Variants in PTDSS1 observed in about 807,000 individuals in gnomAD.
PTDSS1 encodes PSS-1.
Under a neutral mutation model 70.5 loss-of-function variants are expected in PTDSS1, and 45 were observed. The observed-to-expected ratio is 0.64, with a 90% CI of 0.50 to 0.82. The LOEUF (loss-of-function observed/expected upper bound fraction) is 0.82. Ranked by LOEUF, PTDSS1 falls within the 40% of genes least tolerant of loss-of-function variation. The pLI is 0.00. For synonymous variants in PTDSS1, 188 were observed against 203.8 expected (o/e 0.92, Z 0.66); for missense variants, 417 against 586.1 (o/e 0.71, Z 2.98).
In PTDSS1 at chr8:96,333,963, G is replaced by T; in HGVS notation, c.*397G>T. On this transcript the variant is annotated 3_prime_UTR_variant, in exon 13 of 13. Coordinates refer to ENST00000517309, the MANE Select transcript of PTDSS1 (RefSeq NM_014754.3). ...CCCATGGTTAATGGACTGGTCACCA[G>T]TTTTTATTTTATTTTTATGAATCTA... The T allele has an allele frequency of 2.2e-6, 1 of 458,576 alleles. No individual in the cohort carries two copies. 28.4% of individuals were successfully genotyped at this position (458,576 alleles called of 1,614,324 possible).
chr8:96,280,305 C>G (rs186814359), intron 2 of PTDSS1, among the ~76,000 whole-genome samples: 1 of 152,030 alleles, frequency 6.6e-6, no homozygotes, highest in South Asian at 2.1e-4. Flanking sequence ...GCGGATCACT[C>G]GAGGTCAGGA....
In PTDSS1 at chr8:96,334,154, G is replaced by C. The variant is rs1364048621; in HGVS notation, c.*588G>C. 2 of 238,048 alleles carry C rather than the reference G, an allele frequency of 8.4e-6. No individual in the cohort carries two copies. The highest frequency in any genetic ancestry group is 1.6e-5 in the Non-Finnish European group (2 of 123,256). 14.7% of individuals were successfully genotyped at this position (238,048 alleles called of 1,614,324 possible). On this transcript the variant is annotated 3_prime_UTR_variant, in exon 13 of 13. Coordinates refer to ENST00000517309, the MANE Select transcript of PTDSS1 (RefSeq NM_014754.3). ...TTCCTTCTAGAGCAGAAAAGGGAGA[G>C]AGGTGTTGTATTCCTGTTTGGTAAC...
At chr8:96,297,598 G>A (rs140589440) in intron 5 of PTDSS1, among the ~76,000 whole-genome samples, 2 of 152,186 alleles carry the variant, frequency 1.3e-5, no homozygotes, top group Non-Finnish European at 2.9e-5. Flanking sequence ...TGCTGCAGCC[G>A]CCTCTGCTGT....
At chr8:96,273,616 G>A (rs1386960574) in intron 2 of PTDSS1, among the ~76,000 whole-genome samples, 3 of 152,180 alleles carry the variant, frequency 2.0e-5, no homozygotes, top group Non-Finnish European at 4.4e-5. Flanking sequence ...AATGGAGAGA[G>A]CAGACAGGTA....
intron 4 of PTDSS1, among the ~76,000 whole-genome samples, chr8:96,289,626 G>A (rs1810873558): frequency 6.6e-6 from 1 of 152,052 alleles, no homozygotes; most frequent in Non-Finnish European, 1.5e-5. Flanking sequence ...CCAACATTTG[G>A]TACAGGTTAA....
chr8:96,277,587 G>A (rs986583351), intron 2 of PTDSS1, among the ~76,000 whole-genome samples: 16 of 152,268 alleles, frequency 1.1e-4, no homozygotes, highest in African/African-American at 3.9e-4. Flanking sequence ...ACAGTTTTGG[G>A]GAAGTGCCTG....
At chr8:96,264,258 C>A (rs902908255) in intron 1 of PTDSS1, among the ~76,000 whole-genome samples, 3 of 152,172 alleles carry the variant, frequency 2.0e-5, no homozygotes, top group Admixed American at 6.5e-5. Flanking sequence ...AATATCAATA[C>A]ATTAATCTGT....
intron 12 of PTDSS1, among the ~76,000 whole-genome samples, chr8:96,332,041 A>G (rs1361623586): frequency 1.3e-5 from 2 of 151,130 alleles, no homozygotes; most frequent in Non-Finnish European, 3.0e-5. Flanking sequence ...AAAAAAAAAA[A>G]AAAAAAGGTA....
At chr8:96,317,029 G>A (rs1220937058) in intron 9 of PTDSS1, among the ~76,000 whole-genome samples, 2 of 31,352 alleles carry the variant, frequency 6.4e-5, no homozygotes, top group Non-Finnish European at 1.8e-4. Flanking sequence ...ATATATATAT[G>A]TGTCTATATA....
In PTDSS1 at chr8:96,313,145, C is replaced by T. The variant is rs143052234; in HGVS notation, c.1073+3523C>T. On this transcript the variant is annotated intron_variant, in intron 9 of 12. Transcript: ENST00000517309. ...CACCCTTTTTCTCCTGAAGAGGGTA[C>T]TTTCTCTTCTATAAAGATGGTATCC... Among the ~76,000 whole-genome samples the T allele has an allele frequency of 2.5e-3, 380 of 152,292 alleles. 1 individual carries two copies. Among genetic ancestry groups the T allele is most frequent in the African/African-American group, 8.7e-3 (363 of 41,576 alleles).
intron 8 of PTDSS1, among the ~76,000 whole-genome samples, chr8:96,307,735 AC>A (rs950592911): frequency 6.6e-6 from 1 of 152,178 alleles, no homozygotes; most frequent in African/African-American, 2.4e-5. Flanking sequence ...GGAAAGATTT[AC>A]CGCAGCTCTT....
intron 4 of PTDSS1, among the ~76,000 whole-genome samples, chr8:96,288,206 G>A (rs1810850384): frequency 6.6e-6 from 1 of 152,122 alleles, no homozygotes; most frequent in South Asian, 2.1e-4. Context: ...AGTCCTCAGG[G>A]CAGAAGCTTC....
At chr8:96,286,191 G>T (rs1007231369) in intron 3 of PTDSS1, among the ~76,000 whole-genome samples, 1 of 152,130 alleles carries the variant, frequency 6.6e-6, no homozygotes, top group African/African-American at 2.4e-5. Flanking sequence ...TTTGTATCAC[G>T]GTCTCTAAAT....
chr8:96,330,716 G>A (rs1365923009), intron 11 of PTDSS1: 2 of 402,292 alleles, frequency 5.0e-6, no homozygotes, highest in South Asian at 3.0e-5. Context: ...GACATGAATG[G>A]CTTTAAGACA....
At chr8:96,268,783 T>C (rs945106680) in intron 1 of PTDSS1, among the ~76,000 whole-genome samples, 2 of 152,076 alleles carry the variant, frequency 1.3e-5, no homozygotes, top group African/African-American at 4.8e-5. Context: ...ATTTTAGATA[T>C]TTGCTGATGG....
intron 10 of PTDSS1, among the ~76,000 whole-genome samples, chr8:96,325,397 C>A (rs777250882): frequency 6.6e-6 from 1 of 152,204 alleles, no homozygotes; most frequent in Non-Finnish European, 1.5e-5. Context: ...CTTAGAGCAA[C>A]AGACATGCTG....
intron 9 of PTDSS1, among the ~76,000 whole-genome samples, chr8:96,315,815 G>A (rs764166036): frequency 1.3e-5 from 2 of 152,154 alleles, no homozygotes; most frequent in Non-Finnish European, 2.9e-5. Flanking sequence ...GCCACAATTT[G>A]TCCACCTAGC....
intron 12 of PTDSS1, 149 bp downstream of exon 12, chr8:96,331,244 A>G (rs1308949223): frequency 4.0e-6 from 3 of 745,870 alleles, no homozygotes; most frequent in African/African-American, 1.8e-5. Context: ...GAAACATGCA[A>G]TGGCTGGGCA....
intron 10 of PTDSS1, among the ~76,000 whole-genome samples, chr8:96,320,772 A>G (rs1296212725): frequency 6.6e-6 from 1 of 152,254 alleles, no homozygotes; most frequent in African/African-American, 2.4e-5. Context: ...CATAGGCAAT[A>G]AAATATGTTT....
Sources: gnomAD v4.1 joint callset for allele counts (sites outside exome capture counted in the v4.1 genomes callset) on GRCh38, gnomAD v4.1.1 for gene constraint, MANE v1.5 for transcripts, NCBI Gene and HGNC (gene_info 2026-07-23, HGNC 2026-07-21) for gene names.